VPS13C: variants seen among roughly 807,000 people sequenced by gnomAD.
VPS13C encodes the protein intermembrane lipid transfer protein VPS13C.
VPS13C carries 358 observed loss-of-function variants against 456.8 expected under a neutral mutation model. That is an observed-to-expected ratio of 0.78 (90% CI 0.72 to 0.86). The LOEUF is 0.86. Ranked by LOEUF, VPS13C falls within the 40% of genes least tolerant of loss-of-function variation. The probability of loss-of-function intolerance (pLI) is 0.00; values close to 1 mark genes in which losing one functional copy is unlikely to be tolerated. For synonymous variants in VPS13C, 1,578 were observed against 1,486.7 expected (o/e 1.06, Z -1.41); for missense variants, 4,818 against 4,385.4 (o/e 1.10, Z -2.79).
At chr15:62,006,375 A>C (rs1461183020) in intron 15 of VPS13C, among the ~76,000 whole-genome samples, 1 of 151,788 alleles carries the variant, frequency 6.6e-6, no homozygotes, top group Non-Finnish European at 1.5e-5. Context: ...TGTCCTTGCG[A>C]TAGTTTGCTG....
chr15:62,022,309 A>T (rs777903783), intron 8 of VPS13C, among the ~76,000 whole-genome samples: 1 of 151,904 alleles, frequency 6.6e-6, no homozygotes, highest in Non-Finnish European at 1.5e-5. Flanking sequence ...GCTAGATCAT[A>T]CAGTAATTTG....
intron 55 of VPS13C, among the ~76,000 whole-genome samples, chr15:61,921,273 C>G (rs1195029895): frequency 6.6e-6 from 1 of 152,044 alleles, no homozygotes; most frequent in Non-Finnish European, 1.5e-5. Flanking sequence ...TATGTGGAGT[C>G]AGTTTCAGTG....
At chr15:62,018,164 T>G (rs1237805788) in intron 9 of VPS13C, among the ~76,000 whole-genome samples, 1 of 152,204 alleles carries the variant, frequency 6.6e-6, no homozygotes, top group East Asian at 1.9e-4. Context: ...TGAAGTTGCT[T>G]ATCAGCTTAA....
intron 61 of VPS13C, among the ~76,000 whole-genome samples, chr15:61,913,814 G>A (rs1383241095): frequency 6.6e-6 from 1 of 152,116 alleles, no homozygotes; most frequent in Admixed American, 6.6e-5. Flanking sequence ...TTGTTCAGCA[G>A]ACACTACATT....
chr15:61,960,527 T>C (rs2045159133), intron 35 of VPS13C, among the ~76,000 whole-genome samples: 2 of 152,190 alleles, frequency 1.3e-5, no homozygotes, highest in Admixed American at 6.5e-5. Context: ...TATATCATAG[T>C]TAATATAAGA....
chr15:62,043,243 GATATTATATT>G (rs1376153213), intron 2 of VPS13C, among the ~76,000 whole-genome samples: 1 of 152,130 alleles, frequency 6.6e-6, no homozygotes, highest in Non-Finnish European at 1.5e-5. Flanking sequence ...AAGACACAGA[GATATTATATT>G]GTTTTATAAT....
intron 66 of VPS13C, among the ~76,000 whole-genome samples, chr15:61,901,981 A>C (rs1596311317): frequency 6.6e-6 from 1 of 151,960 alleles, no homozygotes; most frequent in South Asian, 2.1e-4. Context: ...ATGAAACTGG[A>C]AATCATCATT....
intron 3 of VPS13C, among the ~76,000 whole-genome samples, chr15:62,035,765 T>C (rs2047974782): frequency 6.6e-6 from 1 of 152,012 alleles, no homozygotes; most frequent in African/African-American, 2.4e-5. Context: ...ACAGAACACA[T>C]GTTCTCTCTT....
intron 53 of VPS13C, among the ~76,000 whole-genome samples, chr15:61,923,861 C>CTTTTTTTTTTTTTTTTTTT (rs1188960583): frequency 4.0e-5 from 3 of 75,146 alleles, no homozygotes; most frequent in Non-Finnish European, 7.3e-5. Context: ...CCCTCTAAAT[C>CTTTTTTTTTTTTTTTTTTT]TTTTTTTTTT....
intron 23 of VPS13C, among the ~76,000 whole-genome samples, chr15:61,977,587 T>C (rs1229438799): frequency 6.6e-6 from 1 of 151,924 alleles, no homozygotes; most frequent in African/African-American, 2.4e-5. Context: ...AAAAGAAGTA[T>C]GGGGTTCCTA....
intron 1 of VPS13C, among the ~76,000 whole-genome samples, chr15:62,048,859 G>A (rs1042357512): frequency 1.3e-5 from 2 of 152,338 alleles, no homozygotes; most frequent in Non-Finnish European, 2.9e-5. Context: ...GGCCAGTGAT[G>A]ATGAGCATTT....
rs147110839 is a variant in VPS13C at position 61,917,641 on chromosome 15, G to A, written c.7761-6C>T. 1.8e-4 allele frequency: 283 copies of A among 1,605,670 alleles called. 1 individual carries two copies. The African/African-American group carries it at 3.5e-3, about 20-fold the overall frequency. ...GCTGGATAAACAATTGACATCTGCA[G>A]AAAGAGGAAACAGTGACAATAAAGT... is the stretch of plus-strand genomic sequence containing the variant. On this transcript the variant is annotated splice_region_variant and splice_polypyrimidine_tract_variant and intron_variant, in intron 59 of 84. Transcript: ENST00000644861.
At chr15:61,863,734 A>G (rs565962619) in intron 81 of VPS13C, 1 of 407,292 alleles carries the variant, frequency 2.5e-6, no homozygotes, top group Admixed American at 4.3e-5. Context: ...AAAGAAAAAC[A>G]TGTAATAAAT....
Position 62,045,670 on chromosome 15 carries a change from A to C in VPS13C, c.101-1415T>G, listed in dbSNP as rs149443570. Among the ~76,000 whole-genome samples the C allele has an allele frequency of 3.3e-5, 5 of 152,304 alleles. No homozygotes were observed. In the East Asian group the frequency reaches 9.6e-4, roughly 29 times the overall value. On this transcript the variant is annotated intron_variant, in intron 1 of 84. Transcript: ENST00000644861. ...ACAGAGATTATGTTATTTTAGAATC[A>C]TTACTCAACTGTCCTAAGGAATAAC...
At chr15:61,961,193 A>C (rs1388820583) in intron 35 of VPS13C, among the ~76,000 whole-genome samples, 1 of 151,694 alleles carries the variant, frequency 6.6e-6, no homozygotes, top group Non-Finnish European at 1.5e-5. Flanking sequence ...GTTTGAGACC[A>C]GCCTGGCCAA....
intron 66 of VPS13C, among the ~76,000 whole-genome samples, chr15:61,895,850 C>A (rs778330548): frequency 6.6e-6 from 1 of 151,874 alleles, no homozygotes. Context: ...AAAGGAGATA[C>A]AAAATTACAG....
At chr15:62,025,778 T>C (rs1406245900) in intron 6 of VPS13C, among the ~76,000 whole-genome samples, 3 of 152,098 alleles carry the variant, frequency 2.0e-5, no homozygotes, top group African/African-American at 7.2e-5. Context: ...CTCAAAGACT[T>C]TGGTTTCACA....
In VPS13C at chr15:61,959,606, C is replaced by G; in HGVS notation, c.3909-11G>C. ...GGCTGGATCACTGTCCTACGAAAAACAGAAATGTTACATAATGCATAGATA... is the reference window on the plus strand; with the variant it reads ...GGCTGGATCACTGTCCTACGAAAAAGAGAAATGTTACATAATGCATAGATA... On this transcript the variant is annotated splice_polypyrimidine_tract_variant and intron_variant, in intron 35 of 84. Coordinates refer to ENST00000644861, the MANE Select transcript of VPS13C (RefSeq NM_020821.3). 1.2e-6 allele frequency: 2 copies of G among 1,606,196 alleles called. No homozygotes were observed. The highest frequency in any genetic ancestry group is 1.7e-6 in the Non-Finnish European group (2 of 1,175,250).
rs754117512 is a variant in VPS13C at position 61,974,369 on chromosome 15, G to A, written c.2457C>T (p.Asp819=). ...GLPLMHVRIS[D]QKMKDVLYLM... is the part of the protein sequence containing the mutation. ...AATATAGCACATCTTTCATCTTCTG[G>A]TCAGAAATTCTCACATGCATCAAAG... The change falls in exon 25 of 85, where the codon GAC becomes GAT. Residue 819 remains aspartate (D), a synonymous_variant. Transcript: ENST00000644861. 4 of 1,612,600 alleles carry A rather than the reference G, an allele frequency of 2.5e-6. No individual in the cohort carries two copies. The highest frequency in any genetic ancestry group is 3.3e-5 in the Admixed American group (2 of 59,986).
Sources: gnomAD v4.1 joint callset for allele counts (sites outside exome capture counted in the v4.1 genomes callset) on GRCh38, gnomAD v4.1.1 for gene constraint, MANE v1.5 for transcripts, NCBI Gene and HGNC (gene_info 2026-07-23, HGNC 2026-07-21) for gene names.